The following HLTF variants were observed in gnomAD, a reference collection of about 807,000 sequenced individuals.
HLTF encodes helicase like transcription factor.
A neutral mutation model predicts 129.4 loss-of-function variants in HLTF; 127 were observed. That is an observed-to-expected ratio of 0.98 (90% CI 0.85 to 1.14). The LOEUF (loss-of-function observed/expected upper bound fraction) is 1.14, where lower values mean the gene tolerates loss of function less well. Ranked by LOEUF, HLTF falls within the 50% of genes most tolerant of loss-of-function variation. HLTF has a pLI of 0.00. For synonymous variants in HLTF, 332 were observed against 388.8 expected, an observed-to-expected ratio of 0.85 and a Z score of 1.72; for missense variants, 1,139 against 1,187.1, an observed-to-expected ratio of 0.96 and a Z score of 0.60.
intron 24 of HLTF, 121 bp from the exon 25 acceptor site, chr3:149,032,493 TATA>T (rs1157192692): frequency 3.5e-6 from 2 of 566,158 alleles, no homozygotes; most frequent in African/African-American, 2.0e-5. Flanking sequence ...TGCACCAAAC[TATA>T]ATAACTATTT....
intron 14 of HLTF, among the ~76,000 whole-genome samples, chr3:149,054,925 T>C (rs148402481): frequency 2.0e-5 from 3 of 152,228 alleles, no homozygotes; most frequent in Admixed American, 2.0e-4. Context: ...CTAACTGTTG[T>C]TATTGTTATA....
chr3:149,039,965 T>A (rs1454364632), intron 21 of HLTF, 66 bp downstream of exon 21: 1 of 1,352,454 alleles, frequency 7.4e-7, no homozygotes, highest in Admixed American at 2.2e-5. Flanking sequence ...GATTTTGATA[T>A]ACTGTGTATA....
intron 23 of HLTF, among the ~76,000 whole-genome samples, chr3:149,038,036 T>C (rs887191118): frequency 2.6e-5 from 4 of 152,226 alleles, no homozygotes; most frequent in African/African-American, 9.6e-5. Flanking sequence ...ATTCCATTAA[T>C]GATAATTTGT....
At chr3:149,046,784 A>G (rs1179756690) in intron 17 of HLTF, among the ~76,000 whole-genome samples, 1 of 152,210 alleles carries the variant, frequency 6.6e-6, no homozygotes, top group Non-Finnish European at 1.5e-5. Flanking sequence ...ACACAGAAAA[A>G]TGCTTTACAG....
chr3:149,059,833 A>T lies in HLTF; in HGVS notation c.1286-26T>A, dbSNP rs372403608. 8.0e-6 allele frequency: 12 copies of T among 1,501,844 alleles called. No homozygotes were observed. In the African/African-American group the frequency reaches 8.4e-5, roughly 10 times the overall value. 93.0% of individuals were successfully genotyped at this position (1,501,844 alleles called of 1,614,324 possible). A position where few individuals can be genotyped will look rare whatever the true frequency, so the allele number is the denominator to read the frequency against. On this transcript the variant is annotated intron_variant, in intron 12 of 24. Transcript: ENST00000310053. ...CTGATAAAACAACAAAGAATCTTAA[A>T]TTTTTTTCAAATTATCTCCTGTGCT...
chr3:149,071,679 A>C, intron 5 of HLTF, 22 bp from the exon 6 acceptor site: 1 of 1,298,486 alleles, frequency 7.7e-7, no homozygotes, highest in Non-Finnish European at 1.1e-6. Context: ...AGCAACAAGA[A>C]ACAATGTAAA....
intron 17 of HLTF, among the ~76,000 whole-genome samples, chr3:149,046,661 C>T (rs986815779): frequency 3.3e-5 from 5 of 151,844 alleles, no homozygotes; most frequent in African/African-American, 1.2e-4. Context: ...TGTAAGAATA[C>T]AAATATGGGT....
chr3:149,035,677 AAAAAAAG>A (rs1483080545), intron 23 of HLTF, among the ~76,000 whole-genome samples: 4 of 111,026 alleles, frequency 3.6e-5, no homozygotes, highest in Admixed American at 1.0e-4. Flanking sequence ...AAAAAAAAAA[AAAAAAAG>A]GGGGTTTTAA....
rs1024895926 is a variant in HLTF, at chr3:149,039,969, G to A, written c.2502+62C>T. Reference sequence around the variant, plus strand: ...AGCAGAATTACGATTTTGATATACTGTGTATATTTCCTTATATAAAGGTAA... The same window carrying A: ...AGCAGAATTACGATTTTGATATACTATGTATATTTCCTTATATAAAGGTAA... On this transcript the variant is annotated intron_variant, in intron 21 of 24. Coordinates refer to ENST00000310053, the MANE Select transcript of HLTF (RefSeq NM_003071.4). 7 of 1,375,316 alleles carry A rather than the reference G, an allele frequency of 5.1e-6. No individual in the cohort carries two copies. In the African/African-American group the frequency reaches 5.8e-5, roughly 11 times the overall value. The allele number at this position is 1,375,316 out of a possible 1,614,324, so 85.2% of individuals were successfully genotyped here. A position where few individuals can be genotyped will look rare whatever the true frequency, so the allele number is the denominator to read the frequency against.
At chr3:149,084,938 C>T (rs1390982968) in intron 1 of HLTF, 49 bp from the exon 2 acceptor site, 4 of 1,354,634 alleles carry the variant, frequency 3.0e-6, no homozygotes, top group East Asian at 2.4e-5. Flanking sequence ...TTAAGTATTT[C>T]CAAAGACCAT....
intron 23 of HLTF, among the ~76,000 whole-genome samples, chr3:149,035,457 G>T (rs1011238730): frequency 2.6e-5 from 4 of 151,812 alleles, no homozygotes; most frequent in African/African-American, 9.7e-5. Flanking sequence ...TAAAAAAAGG[G>T]TTTCTCCTGG....
intron 18 of HLTF, among the ~76,000 whole-genome samples, chr3:149,043,568 A>AC (rs1244515496): frequency 9.9e-5 from 15 of 151,548 alleles, no homozygotes; most frequent in Middle Eastern, 3.4e-3. Context: ...AAAAAAAAAA[A>AC]ACCAGGCTTC....
chr3:149,036,124 GACT>G (rs1715599901), intron 23 of HLTF, among the ~76,000 whole-genome samples: 1 of 150,688 alleles, frequency 6.6e-6, no homozygotes, highest in Non-Finnish European at 1.5e-5. Context: ...GACAGAGCGA[GACT>G]ACATCTCAAA....
intron 24 of HLTF, among the ~76,000 whole-genome samples, chr3:149,032,955 C>T (rs574971920): frequency 1.0e-5 from 1 of 95,490 alleles, no homozygotes; most frequent in East Asian, 2.6e-4. Flanking sequence ...AGAGCGACGT[C>T]TCAAAAAAAA....
At chr3:149,044,232 T>C (rs942177861) in intron 18 of HLTF, among the ~76,000 whole-genome samples, 11 of 152,134 alleles carry the variant, frequency 7.2e-5, no homozygotes, top group African/African-American at 1.7e-4. Flanking sequence ...ACCTAGTGAG[T>C]GCTAAATAAA....
intron 23 of HLTF, among the ~76,000 whole-genome samples, chr3:149,038,613 C>G (rs1181616631): frequency 6.6e-6 from 1 of 152,042 alleles, no homozygotes; most frequent in Admixed American, 6.6e-5. Flanking sequence ...AGCAATCAAT[C>G]TTTCCGACTT....
rs775852301 is a variant in HLTF, at chr3:149,034,942, C to T, written c.2853G>A (p.Gln951=). 5 of 1,613,680 alleles carry T rather than the reference C, an allele frequency of 3.1e-6. No homozygotes were observed. Among genetic ancestry groups the T allele is most frequent in the Admixed American group, 1.7e-5 (1 of 60,018 alleles). ...CTTTTGTGATGATAACTTCTTGCTTCTGACCAAGTCTATGGCATCTGTCAA... is the reference window on the plus strand; with the variant it reads ...CTTTTGTGATGATAACTTCTTGCTTTTGACCAAGTCTATGGCATCTGTCAA... ...QCFDRCHRLG[Q]KQEVIITKFI... Residue 951 remains glutamine, a synonymous_variant, in exon 24 of 25, where the codon CAG becomes CAA. Coordinates refer to ENST00000310053, the MANE Select transcript of HLTF (RefSeq NM_003071.4).
intron 23 of HLTF, among the ~76,000 whole-genome samples, chr3:149,038,656 A>AC (rs1715852883): frequency 6.6e-6 from 1 of 152,040 alleles, no homozygotes; most frequent in South Asian, 2.1e-4. Flanking sequence ...ACAAGCACAA[A>AC]CCACTACACC....
At position 149,059,130 on chromosome 3, in the gene HLTF, A is replaced by G. The variant is rs537490976; in HGVS notation, c.1375+588T>C. Among the ~76,000 whole-genome samples, 57 of 152,242 alleles carry G rather than the reference A, an allele frequency of 3.7e-4. No individual in the cohort carries two copies. In the South Asian group the frequency reaches 0.011, roughly 29 times the overall value. ...AAAATTATATTGACTTGCTTATTGT[A>G]TATTTCTCTCATCATTACATCATAT... On this transcript the variant is annotated intron_variant, in intron 13 of 24. Coordinates refer to ENST00000310053, the MANE Select transcript of HLTF (RefSeq NM_003071.4).
Sources: gnomAD v4.1 joint callset for allele counts (sites outside exome capture counted in the v4.1 genomes callset) on GRCh38, gnomAD v4.1.1 for gene constraint, MANE v1.5 for transcripts, NCBI Gene and HGNC (gene_info 2026-07-23, HGNC 2026-07-21) for gene names.